The following PPP2R1B variants were observed in gnomAD, a reference collection of about 807,000 sequenced individuals.
PPP2R1B encodes serine/threonine-protein phosphatase 2A 65 kDa regulatory subunit A beta isoform.
PPP2R1B carries 58 observed loss-of-function variants against 72.7 expected under a neutral mutation model. The ratio of observed to expected loss-of-function variants is 0.80; its 90% CI spans 0.65 to 0.99. The LOEUF (loss-of-function observed/expected upper bound fraction) is 0.99. Among genes scored for constraint, PPP2R1B ranks in the 50% least tolerant of loss-of-function variants. The pLI is 0.00. For synonymous variants in PPP2R1B, 256 were observed against 264.6 expected (o/e 0.97, Z 0.32); for missense variants, 695 against 733.6 (o/e 0.95, Z 0.61).
At chr11:111,742,700 C>A in intron 12 of PPP2R1B, 35 bp from the exon 13 acceptor site, 3 of 1,519,396 alleles carry the variant, frequency 2.0e-6, no homozygotes, top group Non-Finnish European at 2.6e-6. Flanking sequence ...ATTTAAAATA[C>A]TTTAAAAAAT....
In PPP2R1B at chr11:111,764,912, G is replaced by A. The variant is rs781919766; in HGVS notation, c.206-7C>T. 6.2e-7 allele frequency: 1 copy of A among 1,613,238 alleles called. No individual in the cohort carries two copies. The highest frequency in any genetic ancestry group is 1.3e-5 in the African/African-American group (1 of 74,930). On this transcript the variant is annotated splice_polypyrimidine_tract_variant and splice_region_variant and intron_variant, in intron 2 of 14. Coordinates refer to ENST00000527614, the MANE Select transcript of PPP2R1B (RefSeq NM_002716.5). ...TCTTCATCATAAATTGTATCTGGAA[G>A]TGACAACAACAGGACTCATCAACAT...
At chr11:111,747,100 T>C (rs12418841) in intron 11 of PPP2R1B, among the ~76,000 whole-genome samples, 1,890 of 152,296 alleles carry the variant, frequency 0.012, 143 homozygotes, top group Admixed American at 0.11. Context: ...AAAGATACTG[T>C]GGAACTGACT....
At chr11:111,758,249 A>G (rs782285407) in intron 5 of PPP2R1B, among the ~76,000 whole-genome samples, 4 of 152,250 alleles carry the variant, frequency 2.6e-5, no homozygotes, top group Non-Finnish European at 5.9e-5. Context: ...AGCTTACATT[A>G]TATTTCTGTT....
At chr11:111,719,624 A>G in the PPP2R1B span, 2 of 795,398 alleles carry the variant, frequency 2.5e-6, no homozygotes, top group Non-Finnish European at 4.0e-6. Flanking sequence ...CTTCACTTCT[A>G]ATCTATGTGT....
intron 5 of PPP2R1B, among the ~76,000 whole-genome samples, chr11:111,756,596 C>T (rs1397221577): frequency 6.6e-6 from 1 of 152,060 alleles, no homozygotes; most frequent in African/African-American, 2.4e-5. Flanking sequence ...AAGATAATGA[C>T]TTGGAAAGAA....
At chr11:111,706,990 C>A in the PPP2R1B span, among the ~76,000 whole-genome samples, 7 of 147,434 alleles carry the variant, frequency 4.7e-5, no homozygotes, top group African/African-American at 1.2e-4. Context: ...AGTATTGATA[C>A]AGATGTAAGT....
downstream of PPP2R1B, chr11:111,723,602 C>A: frequency 6.2e-7 from 1 of 1,614,202 alleles, no homozygotes; most frequent in Non-Finnish European, 8.5e-7. Flanking sequence ...TCAGCAGCTG[C>A]CCCTTCCCCG....
intron 15 of PPP2R1B, chr11:111,728,301 T>C (rs1216904103): frequency 6.6e-6 from 1 of 152,096 alleles, no homozygotes; most frequent in Admixed American, 6.5e-5. Flanking sequence ...AATTTTTTTT[T>C]TTTTTGAGAC....
At chr11:111,736,125 A>G (rs2136023455), downstream of PPP2R1B, among the ~76,000 whole-genome samples, 1 of 152,328 alleles carries the variant, frequency 6.6e-6, no homozygotes, top group South Asian at 2.1e-4. Context: ...GGGACCAAAA[A>G]ACAATGATAG....
chr11:111,692,963 A>G, the PPP2R1B span, among the ~76,000 whole-genome samples: 1 of 152,202 alleles, frequency 6.6e-6, no homozygotes, highest in African/African-American at 2.4e-5. Context: ...TAGAAGTATC[A>G]AACATGGTTC....
At chr11:111,696,663 GATTGTTTTCAT>G in the PPP2R1B span, among the ~76,000 whole-genome samples, 1 of 152,204 alleles carries the variant, frequency 6.6e-6, no homozygotes, top group African/African-American at 2.4e-5. Flanking sequence ...ATGCCCAAGT[GATTGTTTTCAT>G]AATGTTTTCC....
chr11:111,729,812 C>G (rs765962703), intron 15 of PPP2R1B: 2 of 152,302 alleles, frequency 1.3e-5, no homozygotes. Flanking sequence ...GTGCACTGAA[C>G]CAGGCTGAGG....
At chr11:111,722,908 G>GA, downstream of PPP2R1B, 1 of 662,394 alleles carries the variant, frequency 1.5e-6, no homozygotes, top group Middle Eastern at 2.6e-4. This position sits in a 1 kb window ranked among gnomAD's most constrained non-coding sequence, Gnocchi z 4.4. Context: ...ATTACTAAGA[G>GA]GATATCTCAG....
intron 15 of PPP2R1B, among the ~76,000 whole-genome samples, chr11:111,732,195 TG>T (rs1237505155): frequency 6.6e-6 from 1 of 152,240 alleles, no homozygotes; most frequent in East Asian, 1.9e-4. Flanking sequence ...GGCGAGCAGC[TG>T]CTTTCTGCCC....
intron 5 of PPP2R1B, among the ~76,000 whole-genome samples, chr11:111,757,697 TG>T (rs1192755859): frequency 5.9e-5 from 9 of 151,890 alleles, no homozygotes; most frequent in Admixed American, 3.9e-4. Flanking sequence ...TAGCCAGTCA[TG>T]GTGGCAGGCG....
chr11:111,727,407 A>C (rs1944008808), intron 15 of PPP2R1B: 1 of 289,460 alleles, frequency 3.5e-6, no homozygotes, highest in South Asian at 7.0e-5. Flanking sequence ...CGTATGCTGG[A>C]GTCAGTGGTT....
At chr11:111,736,779 T>C (rs923184281), downstream of PPP2R1B, among the ~76,000 whole-genome samples, 6 of 152,248 alleles carry the variant, frequency 3.9e-5, no homozygotes, top group Non-Finnish European at 8.8e-5. Flanking sequence ...GCGAACCTAC[T>C]AGAATGGGTG....
intron 11 of PPP2R1B, among the ~76,000 whole-genome samples, chr11:111,744,688 G>A (rs757512292): frequency 1.4e-4 from 22 of 152,114 alleles, no homozygotes; most frequent in Admixed American, 6.5e-5. Context: ...ATGATAGGAA[G>A]GGCAGGAATA....
At chr11:111,692,758 G>A in the PPP2R1B span, among the ~76,000 whole-genome samples, 1 of 151,768 alleles carries the variant, frequency 6.6e-6, no homozygotes, top group Non-Finnish European at 1.5e-5. Context: ...AGGGCTCTGT[G>A]GGAAGAAATT....
Sources: gnomAD v4.1 joint callset for allele counts (sites outside exome capture counted in the v4.1 genomes callset) on GRCh38, gnomAD v4.1.1 for gene constraint, Gnocchi (gnomAD v3.1) non-coding constraint, MANE v1.5 for transcripts, NCBI Gene and HGNC (gene_info 2026-07-23, HGNC 2026-07-21) for gene names.